SDK1: variants seen among roughly 807,000 people sequenced by gnomAD.
SDK1 encodes the protein protein sidekick-1.
A neutral mutation model predicts 245.5 loss-of-function variants in SDK1; 157 were observed. That is an observed-to-expected ratio of 0.64 (90% CI 0.56 to 0.73). The LOEUF (loss-of-function observed/expected upper bound fraction) is 0.73, where lower values mean the gene tolerates loss of function less well. SDK1 is among the 30% of genes least tolerant of loss of function. The pLI is 0.00. For synonymous variants in SDK1, 1,647 were observed against 1,278.5 expected (o/e 1.29, Z -6.15); for missense variants, 3,583 against 3,002.3 (o/e 1.19, Z -4.52).
chr7:3,672,796 A>ATATATATATATATATATATATATATAT (rs1554307151), intron 4 of SDK1, among the ~76,000 whole-genome samples: 3 of 53,414 alleles, frequency 5.6e-5, no homozygotes, highest in African/African-American at 8.4e-5. Flanking sequence ...TATATATATA[A>ATATATATATATATATATATATATATAT]AAAATACAGA....
intron 5 of SDK1, among the ~76,000 whole-genome samples, chr7:3,889,721 G>T (rs1186180107): frequency 1.3e-5 from 2 of 152,294 alleles, no homozygotes; most frequent in Middle Eastern, 3.4e-3. Flanking sequence ...TGTTAGCCAG[G>T]ATGGTCTCAA....
chr7:3,561,322 A>G (rs1779744164), intron 1 of SDK1, among the ~76,000 whole-genome samples: 1 of 152,202 alleles, frequency 6.6e-6, no homozygotes, highest in South Asian at 2.1e-4. Flanking sequence ...TGACAAAAAC[A>G]CATCTGAGCT....
chr7:3,973,246 G>T (rs1782632299), intron 12 of SDK1, among the ~76,000 whole-genome samples: 1 of 152,174 alleles, frequency 6.6e-6, no homozygotes, highest in South Asian at 2.1e-4. Flanking sequence ...TGTGGAATCA[G>T]CCCTGTTCTA....
At chr7:3,666,099 C>T (rs1251503076) in intron 4 of SDK1, among the ~76,000 whole-genome samples, 1 of 152,166 alleles carries the variant, frequency 6.6e-6, no homozygotes, top group Admixed American at 6.5e-5. Flanking sequence ...CAGCTTTGTC[C>T]TTTATTCACC....
chr7:3,731,277 A>G (rs1163342466), intron 4 of SDK1, among the ~76,000 whole-genome samples: 1 of 152,164 alleles, frequency 6.6e-6, no homozygotes, highest in Non-Finnish European at 1.5e-5. Context: ...CAGTGGGTCC[A>G]GGAGAGAAAG....
chr7:4,050,358 C>A (rs1789359202), intron 18 of SDK1, among the ~76,000 whole-genome samples: 1 of 152,176 alleles, frequency 6.6e-6, no homozygotes, highest in Non-Finnish European at 1.5e-5. Context: ...CAGAAGTATC[C>A]AAAGCCAGAA....
At chr7:3,826,036 TCAA>T (rs1331787786) in intron 5 of SDK1, among the ~76,000 whole-genome samples, 1 of 152,216 alleles carries the variant, frequency 6.6e-6, no homozygotes, top group Non-Finnish European at 1.5e-5. Flanking sequence ...TATTTTATAG[TCAA>T]GTCATGAGTT....
intron 32 of SDK1, among the ~76,000 whole-genome samples, chr7:4,162,574 A>G (rs1213735818): frequency 2.0e-5 from 3 of 151,666 alleles, no homozygotes; most frequent in African/African-American, 7.3e-5. Flanking sequence ...TAACTTTTGT[A>G]TTTTTAGTAG....
chr7:3,521,709 A>C (rs897093483), intron 1 of SDK1, among the ~76,000 whole-genome samples: 2 of 152,188 alleles, frequency 1.3e-5, no homozygotes, highest in Non-Finnish European at 2.9e-5. Flanking sequence ...GAACTTGATC[A>C]ACTTGAACAA....
rs192850471 is a variant in SDK1, at chr7:3,638,581, C to T, written c.459-423C>T. Among the ~76,000 whole-genome samples the T allele has an allele frequency of 5.5e-3, 744 of 134,880 alleles. 5 individuals carry two copies. The highest frequency in any genetic ancestry group is 0.018 in the South Asian group (79 of 4,320). 88.5% of individuals were successfully genotyped at this position (134,880 alleles called of 152,430 possible). On this transcript the variant is annotated intron_variant, in intron 2 of 44. Coordinates refer to ENST00000404826, the MANE Select transcript of SDK1 (RefSeq NM_152744.4). ...TTCTCACTCATAGGTGGGAATTGAA[C>T]AGTGAGAAAACATGGACACAGGAAG...
intron 29 of SDK1, among the ~76,000 whole-genome samples, chr7:4,146,372 C>T (rs1272611654): frequency 6.6e-6 from 1 of 151,774 alleles, no homozygotes; most frequent in African/African-American, 2.4e-5. Context: ...TTCTGCCTCA[C>T]ACCTGCTCTC....
At chr7:3,723,773 CGT>C (rs1778902451) in intron 4 of SDK1, among the ~76,000 whole-genome samples, 1 of 149,800 alleles carries the variant, frequency 6.7e-6, no homozygotes, top group African/African-American at 2.5e-5. Flanking sequence ...TACATATACA[CGT>C]GTATATACAC....
At chr7:3,852,139 C>G (rs914302035) in intron 5 of SDK1, among the ~76,000 whole-genome samples, 1 of 149,964 alleles carries the variant, frequency 6.7e-6, no homozygotes, top group Non-Finnish European at 1.5e-5. Context: ...CTCAGCACCT[C>G]GCGGATAATG....
rs61732175 is a variant in SDK1, at chr7:4,145,806, C to T, written c.4313C>T (p.Thr1438Ile). Residue 1438 changes from threonine to isoleucine, a missense_variant, in exon 29 of 45, where the codon ACA becomes ATA. Coordinates refer to ENST00000404826, the MANE Select transcript of SDK1 (RefSeq NM_152744.4). ...VEVGATVRQF[T>I]ATDLAPESAY... ...GTCGGCGCCACAGTGAGGCAGTTCACAGCCACCGACCTGGCCCCGGAGTCC... is the reference window on the plus strand; with the variant it reads ...GTCGGCGCCACAGTGAGGCAGTTCATAGCCACCGACCTGGCCCCGGAGTCC... 275 of 1,613,930 alleles carry T rather than the reference C, an allele frequency of 1.7e-4. No individual in the cohort carries two copies. In the African/African-American group the frequency reaches 3.1e-3, roughly 18 times the overall value.
intron 5 of SDK1, among the ~76,000 whole-genome samples, chr7:3,913,333 A>G (rs987563613): frequency 6.8e-4 from 92 of 135,002 alleles, no homozygotes; most frequent in East Asian, 4.0e-3. Context: ...TCGCTCTGTC[A>G]CCCAGGCTGG....
intron 5 of SDK1, among the ~76,000 whole-genome samples, chr7:3,865,073 C>A (rs535293449): frequency 6.6e-6 from 1 of 152,156 alleles, no homozygotes; most frequent in South Asian, 2.1e-4. Context: ...ATGAGGTCCC[C>A]GTGCCCTCCA....
chr7:3,715,437 C>G (rs1050862529), intron 4 of SDK1, among the ~76,000 whole-genome samples: 4 of 152,118 alleles, frequency 2.6e-5, no homozygotes, highest in Non-Finnish European at 1.5e-5. Context: ...CAACTGATAG[C>G]CCAAAGATAT....
In SDK1 at chr7:3,405,177, C is replaced by A. The variant is rs565265458; in HGVS notation, c.298+103293C>A. Among the ~76,000 whole-genome samples, 16 of 139,052 alleles carry A rather than the reference C, an allele frequency of 1.2e-4. No individual in the cohort carries two copies. The East Asian group carries it at 1.6e-3, about 14-fold the overall frequency. 91.2% of individuals were successfully genotyped at this position (139,052 alleles called of 152,430 possible). On this transcript the variant is annotated intron_variant, in intron 1 of 44. Coordinates refer to ENST00000404826, the MANE Select transcript of SDK1 (RefSeq NM_152744.4). ...AAAAAACCAAAAAAAAAAACAAAAA[C>A]AAAAACAAAAAACACTTTCCTTAAT...
intron 1 of SDK1, among the ~76,000 whole-genome samples, chr7:3,441,422 T>C (rs1277162754): frequency 6.6e-6 from 1 of 152,162 alleles, no homozygotes; most frequent in Non-Finnish European, 1.5e-5. Context: ...CAAAATCTCT[T>C]TTTGTGTGTG....
Sources: gnomAD v4.1 joint callset for allele counts (sites outside exome capture counted in the v4.1 genomes callset) on GRCh38, gnomAD v4.1.1 for gene constraint, MANE v1.5 for transcripts, NCBI Gene and HGNC (gene_info 2026-07-23, HGNC 2026-07-21) for gene names.